The following RGS8 variants were observed in gnomAD, a reference collection of about 807,000 sequenced individuals.
The protein encoded by RGS8 is regulator of G protein signaling 8, also known as regulator of G-protein signaling 8.
A neutral mutation model predicts 21.7 loss-of-function variants in RGS8; 8 were observed. That is an observed-to-expected ratio of 0.37 (90% confidence interval 0.22 to 0.66). The LOEUF (loss-of-function observed/expected upper bound fraction) is 0.66, where lower values mean the gene tolerates loss of function less well. RGS8 is among the 30% of genes least tolerant of loss of function. The pLI is 0.59. For missense variants in RGS8, 157 were observed against 217.9 expected (o/e 0.72, Z 1.76); for synonymous variants, 80 against 83.6 (o/e 0.96, Z 0.24).
chr1:182,666,886 G>T, exon 4 of RGS8: 1 of 1,613,894 alleles, frequency 6.2e-7, no homozygotes, highest in South Asian at 1.1e-5. Context: ...GAGCGCGGTT[G>T]GGTTTGTCTG....
At chr1:182,656,152 T>C (rs755491684) in intron 5 of RGS8, among the ~76,000 whole-genome samples, 2 of 152,194 alleles carry the variant, frequency 1.3e-5, no homozygotes, top group Non-Finnish European at 2.9e-5. Context: ...AAGTGAGACA[T>C]GGAGAGTTAC....
the RGS8 span, among the ~76,000 whole-genome samples, chr1:182,737,007 A>T: frequency 6.6e-6 from 1 of 152,200 alleles, no homozygotes; most frequent in African/African-American, 2.4e-5. Flanking sequence ...TCAGAAATCA[A>T]TTTCACCGGG....
exon 7 of RGS8, chr1:182,646,508 G>A (rs1019692392): frequency 1.0e-5 from 5 of 492,006 alleles, no homozygotes; most frequent in South Asian, 3.5e-5. Context: ...GGGTGACAGC[G>A]GCAAGGCGCT....
upstream of RGS8, among the ~76,000 whole-genome samples, chr1:182,674,781 T>C (rs574061364): frequency 6.6e-6 from 1 of 152,306 alleles, no homozygotes; most frequent in African/African-American, 2.4e-5. Flanking sequence ...GAGCTCTGGG[T>C]TCTTTTCCAG....
the RGS8 span, among the ~76,000 whole-genome samples, chr1:182,713,838 C>T: frequency 2.0e-5 from 3 of 152,192 alleles, no homozygotes; most frequent in African/African-American, 4.8e-5. Flanking sequence ...TCTCTCTTTT[C>T]TTTTATGGTC....
the RGS8 span, among the ~76,000 whole-genome samples, chr1:182,694,146 AAAAG>A: frequency 6.6e-6 from 1 of 152,180 alleles, no homozygotes; most frequent in Admixed American, 6.5e-5. Context: ...AGAAAAAAAA[AAAAG>A]AAAGTTTACT....
At chr1:182,699,634 A>G in the RGS8 span, among the ~76,000 whole-genome samples, 1 of 152,204 alleles carries the variant, frequency 6.6e-6, no homozygotes, top group Non-Finnish European at 1.5e-5. Context: ...GGCTCCCCAA[A>G]GCCTGCTTCG....
chr1:182,740,541 T>C, the RGS8 span, among the ~76,000 whole-genome samples: 9 of 56,388 alleles, frequency 1.6e-4, no homozygotes, highest in African/African-American at 6.2e-4. Context: ...GTTTTTTTTG[T>C]TTGTTTGTTT....
upstream of RGS8, chr1:182,672,908 C>T (rs1236727677): frequency 1.3e-6 from 2 of 1,535,798 alleles, no homozygotes; most frequent in Non-Finnish European, 1.8e-6. Context: ...AAGCGTGGTC[C>T]CTGAACCAGC....
the RGS8 span, among the ~76,000 whole-genome samples, chr1:182,751,323 G>T: frequency 5.1e-4 from 78 of 152,288 alleles, no homozygotes; most frequent in African/African-American, 1.7e-3. Context: ...GTTTAAAAGA[G>T]AAAAGACTAA....
chr1:182,649,339 C>T (rs1392151019), intron 5 of RGS8, among the ~76,000 whole-genome samples: 2 of 152,086 alleles, frequency 1.3e-5, no homozygotes, highest in African/African-American at 4.8e-5. Flanking sequence ...TTTGCTACTA[C>T]CAAAAAAAAT....
the RGS8 span, among the ~76,000 whole-genome samples, chr1:182,704,529 G>T: frequency 6.6e-6 from 1 of 152,172 alleles, no homozygotes; most frequent in South Asian, 2.1e-4. Context: ...GGTAAGGGGG[G>T]GCATCTTGGA....
chr1:182,656,265 C>A, intron 5 of RGS8, among the ~76,000 whole-genome samples: 1 of 152,170 alleles, frequency 6.6e-6, no homozygotes. Context: ...GCTGGCAGGC[C>A]TCCAAAGGAG....
chr1:182,669,514 C>G, intron 3 of RGS8, 110 bp downstream of exon 4: 1 of 1,502,062 alleles, frequency 6.7e-7, no homozygotes, highest in South Asian at 1.2e-5. Flanking sequence ...TGAAAGTAGA[C>G]CACGCATGGG....
chr1:182,681,521 G>A (rs141025530), intron 1 of RGS8, among the ~76,000 whole-genome samples: 3 of 152,242 alleles, frequency 2.0e-5, no homozygotes, highest in East Asian at 1.9e-4. Flanking sequence ...CTAGAATCAC[G>A]CAGCAAGGAG....
At chr1:182,648,983 C>T (rs1662851975) in intron 5 of RGS8, among the ~76,000 whole-genome samples, 2 of 151,998 alleles carry the variant, frequency 1.3e-5, no homozygotes, top group Admixed American at 1.3e-4. Context: ...GCTTGTAATT[C>T]CAGCTACTTG....
intron 3 of RGS8, 27 bp from the exon 5 acceptor site, chr1:182,667,000 CG>C (rs1663898474): frequency 6.4e-7 from 1 of 1,564,720 alleles, no homozygotes; most frequent in Non-Finnish European, 8.8e-7. Context: ...GGCAGAAGGA[CG>C]GGGAAACTCT....
the RGS8 span, among the ~76,000 whole-genome samples, chr1:182,694,458 T>A: frequency 6.6e-6 from 1 of 152,272 alleles, no homozygotes; most frequent in African/African-American, 2.4e-5. Flanking sequence ...AAAATTCCGA[T>A]GCAGCATCCA....
the RGS8 span, among the ~76,000 whole-genome samples, chr1:182,747,731 C>T: frequency 1.3e-5 from 2 of 151,950 alleles, no homozygotes; most frequent in African/African-American, 4.8e-5. Flanking sequence ...CAGGCTTGGC[C>T]AGGCGCATTG....
Sources: gnomAD v4.1 joint callset for allele counts (sites outside exome capture counted in the v4.1 genomes callset) on GRCh38, gnomAD v4.1.1 for gene constraint, MANE v1.5 for transcripts, NCBI Gene and HGNC (gene_info 2026-07-23, HGNC 2026-07-21) for gene names.